Variants in IL12RB2 observed in about 807,000 individuals in gnomAD.
IL12RB2 encodes interleukin-12 receptor subunit beta-2.
A neutral mutation model predicts 89.4 loss-of-function variants in IL12RB2; 82 were observed. The ratio of observed to expected loss-of-function variants is 0.92; its 90% confidence interval spans 0.77 to 1.10. The LOEUF (loss-of-function observed/expected upper bound fraction) is 1.10, where lower values mean the gene tolerates loss of function less well. Ranked by LOEUF, IL12RB2 falls within the 50% of genes least tolerant of loss-of-function variation. The pLI is 0.00. For missense variants in IL12RB2, 963 were observed against 1,031.9 expected (o/e 0.93, Z 0.92); for synonymous variants, 368 against 370.1 (o/e 0.99, Z 0.07).
At chr1:67,338,741 A>C (rs1173018121) in intron 9 of IL12RB2, 38 bp downstream of exon 9, 5 of 960,550 alleles carry the variant, frequency 5.2e-6, no homozygotes, top group African/African-American at 1.6e-5. Context: ...CAAGGGAATA[A>C]AACTGAAGGC....
intron 16 of IL12RB2, 129 bp from the exon 17 acceptor site, chr1:67,395,418 G>C: frequency 6.4e-7 from 1 of 1,570,618 alleles, no homozygotes; most frequent in East Asian, 2.2e-5. Flanking sequence ...GCAAACTCCA[G>C]TGCCCAACAT....
intron 15 of IL12RB2, among the ~76,000 whole-genome samples, chr1:67,389,416 T>A (rs947280533): frequency 6.6e-6 from 1 of 151,976 alleles, no homozygotes; most frequent in Non-Finnish European, 1.5e-5. Flanking sequence ...TTAAAAAAAA[T>A]AAGTCACATG....
intron 1 of IL12RB2, among the ~76,000 whole-genome samples, chr1:67,312,225 A>C (rs1317172173): frequency 6.6e-6 from 1 of 152,204 alleles, no homozygotes. Flanking sequence ...TCCCAATAGA[A>C]GACAGCTTAT....
At chr1:67,384,206 G>A (rs1451678160) in intron 14 of IL12RB2, among the ~76,000 whole-genome samples, 2 of 152,246 alleles carry the variant, frequency 1.3e-5, no homozygotes, top group East Asian at 3.8e-4. Context: ...GGGCATCCAG[G>A]CACTTCCATA....
intron 11 of IL12RB2, among the ~76,000 whole-genome samples, chr1:67,368,688 G>A (rs1662967203): frequency 2.0e-5 from 3 of 152,164 alleles, no homozygotes; most frequent in African/African-American, 7.2e-5. Context: ...TTGAATCAGT[G>A]GTTTAAAGTT....
At position 67,368,006 on chromosome 1, in the gene IL12RB2, T is replaced by G; in HGVS notation, c.1440T>G (p.Asn480Lys). 1 of 1,600,648 alleles carries G rather than the reference T, an allele frequency of 6.2e-7. No homozygotes were observed. The highest frequency in any genetic ancestry group is 8.6e-7 in the Non-Finnish European group (1 of 1,167,734). ...PLNWLRSRPY[N>K]VSALISENIK... ...ACTGGCTACGGAGTCGACCCTACAA[T>G]GTGTCTGCTCTGATTTCAGGTACCT... is the stretch of plus-strand genomic sequence containing the variant. Residue 480 changes from asparagine (N) to lysine (K), a missense_variant, in exon 11 of 17, where the codon AAT (asparagine) becomes AAG (lysine). Asn to Lys is a moderately conservative substitution (Grantham distance 94). Coordinates refer to ENST00000674203, the MANE Select transcript of IL12RB2 (RefSeq NM_001374259.2).
At chr1:67,326,624 C>A in intron 4 of IL12RB2, 111 bp from the exon 5 acceptor site, 2 of 1,497,062 alleles carry the variant, frequency 1.3e-6, no homozygotes, top group Admixed American at 4.0e-5. Flanking sequence ...TTCTAGTTTA[C>A]CTGGGTTTAC....
chr1:67,377,601 C>T (rs1664115526), intron 13 of IL12RB2, among the ~76,000 whole-genome samples: 1 of 151,760 alleles, frequency 6.6e-6, no homozygotes, highest in African/African-American at 2.4e-5. Flanking sequence ...TGACCCTTTA[C>T]CCCTCCTTTC....
chr1:67,348,806 C>T (rs1013970293), intron 9 of IL12RB2, among the ~76,000 whole-genome samples: 5 of 152,086 alleles, frequency 3.3e-5, no homozygotes, highest in Non-Finnish European at 7.3e-5. Flanking sequence ...GCTTGTTTTT[C>T]AATTTGATTA....
intron 10 of IL12RB2, among the ~76,000 whole-genome samples, chr1:67,352,115 G>A (rs753883654): frequency 3.9e-5 from 6 of 152,068 alleles, no homozygotes; most frequent in African/African-American, 1.4e-4. Context: ...AAGAAATAAA[G>A]TATTAGATAA....
At chr1:67,377,805 C>T (rs1664137214) in intron 13 of IL12RB2, among the ~76,000 whole-genome samples, 1 of 151,680 alleles carries the variant, frequency 6.6e-6, no homozygotes, top group Admixed American at 6.6e-5. Context: ...ACCTCAACCT[C>T]AAAGTTGGCA....
At chr1:67,362,543 G>C (rs1460951678) in intron 10 of IL12RB2, among the ~76,000 whole-genome samples, 2 of 141,072 alleles carry the variant, frequency 1.4e-5, no homozygotes, top group African/African-American at 2.6e-5. Flanking sequence ...TCCGCAGTCC[G>C]GCCTGGGCGA....
intron 3 of IL12RB2, 21 bp downstream of exon 3, chr1:67,320,465 A>C: frequency 6.2e-7 from 1 of 1,613,254 alleles, no homozygotes; most frequent in Non-Finnish European, 8.5e-7. Flanking sequence ...TCTGTAAGTT[A>C]CTCTGTGGAA....
intron 13 of IL12RB2, 79 bp downstream of exon 13, chr1:67,372,862 A>G: frequency 2.2e-6 from 2 of 914,368 alleles, no homozygotes; most frequent in Non-Finnish European, 3.7e-6. Flanking sequence ...GTGTGTGCAC[A>G]TCTACACACA....
At chr1:67,343,492 T>A (rs1659884132) in intron 9 of IL12RB2, among the ~76,000 whole-genome samples, 2 of 152,218 alleles carry the variant, frequency 1.3e-5, no homozygotes, top group South Asian at 4.2e-4. Flanking sequence ...ACAAATGCAA[T>A]AAAAGTAAAA....
At chr1:67,391,866 A>G (rs1490579541) in intron 16 of IL12RB2, among the ~76,000 whole-genome samples, 1 of 151,940 alleles carries the variant, frequency 6.6e-6, no homozygotes, top group African/African-American at 2.4e-5. Context: ...GATGGTCTCA[A>G]TCTCCTGACC....
At chr1:67,337,950 CTTTATT>C (rs951851233) in intron 8 of IL12RB2, among the ~76,000 whole-genome samples, 1 of 148,002 alleles carries the variant, frequency 6.8e-6, no homozygotes, top group Non-Finnish European at 1.5e-5. Context: ...ACCACATATA[CTTTATT>C]TTTATTTTTT....
intron 1 of IL12RB2, among the ~76,000 whole-genome samples, chr1:67,309,730 T>C (rs1202289418): frequency 6.6e-6 from 1 of 152,190 alleles, no homozygotes; most frequent in Non-Finnish European, 1.5e-5. Context: ...ATTTTTAAGG[T>C]AGAAGAATCC....
intron 10 of IL12RB2, among the ~76,000 whole-genome samples, chr1:67,364,873 T>A (rs61779821): frequency 6.6e-6 from 1 of 152,214 alleles, no homozygotes. Flanking sequence ...CTCATGCTCA[T>A]ATGGAACATT....
Sources: allele counts gnomAD v4.1 joint callset (sites outside exome capture counted in the v4.1 genomes callset), GRCh38; gene constraint gnomAD v4.1.1; transcripts MANE v1.5; gene names NCBI Gene and HGNC (gene_info 2026-07-23, HGNC 2026-07-21).